Variants in TAF13 observed in about 807,000 individuals in gnomAD.
TAF13 encodes transcription initiation factor TFIID subunit 13.
A neutral mutation model predicts 18.7 loss-of-function variants in TAF13; 9 were observed. The ratio of observed to expected loss-of-function variants is 0.48; its 90% CI spans 0.29 to 0.84. The LOEUF is 0.84. TAF13 is among the 40% of genes least tolerant of loss of function. TAF13 has a pLI of 0.08. For missense variants in TAF13, 105 were observed against 146.5 expected (o/e 0.72, Z 1.46); for synonymous variants, 49 against 44.1 (o/e 1.11, Z -0.44).
At chr1:109,065,951 G>A (rs1407652018) in intron 3 of TAF13, among the ~76,000 whole-genome samples, 184 bp downstream of exon 3, 4 of 151,900 alleles carry the variant, frequency 2.6e-5, no homozygotes, top group Non-Finnish European at 5.9e-5. Flanking sequence ...AGGAAGAAGG[G>A]GGGATAGAAT....
In TAF13 at chr1:109,075,036, T is replaced by G; in HGVS notation, c.57A>C (p.Gly19=). ...TTTTACCCTGTCCACCTTCTGCACC[T>G]CCTCCAATTTCTTCATTTTCTTCCT... ...TFEEENEEIG[G]GAEGGQGKRK... Residue 19 remains glycine (G), a synonymous_variant, in exon 2 of 4, where the codon GGA becomes GGC. Coordinates refer to ENST00000338366, the MANE Select transcript of TAF13 (RefSeq NM_005645.4). 6.2e-7 allele frequency: 1 copy of G among 1,608,598 alleles called. No individual in the cohort carries two copies. Among genetic ancestry groups the G allele is most frequent in the Non-Finnish European group, 8.5e-7 (1 of 1,178,454 alleles).
At chr1:109,069,737 A>G (rs746173632) in intron 2 of TAF13, among the ~76,000 whole-genome samples, 3 of 152,164 alleles carry the variant, frequency 2.0e-5, no homozygotes, top group Non-Finnish European at 4.4e-5. Flanking sequence ...GTAGAAGTAC[A>G]AAGAGAAGAA....
At chr1:109,071,153 G>C (rs963090204) in intron 2 of TAF13, among the ~76,000 whole-genome samples, 1 of 151,472 alleles carries the variant, frequency 6.6e-6, no homozygotes, top group South Asian at 2.1e-4. Flanking sequence ...AAAATTAGTT[G>C]GGTGTGGCCA....
intron 3 of TAF13, among the ~76,000 whole-genome samples, chr1:109,065,496 G>GAC (rs112706578): frequency 1.3e-5 from 2 of 150,034 alleles, no homozygotes; most frequent in Non-Finnish European, 3.0e-5. Flanking sequence ...CACACACACA[G>GAC]ACACACACAC....
At chr1:109,066,349 T>G in intron 2 of TAF13, 117 bp from the exon 3 acceptor site, 1 of 751,758 alleles carries the variant, frequency 1.3e-6, no homozygotes, top group Non-Finnish European at 2.1e-6. Context: ...GAAAACATAT[T>G]TACATCGTAT....
rs865991416 is a variant in TAF13, at chr1:109,072,115, T to C, written c.106+2872A>G. Among the ~76,000 whole-genome samples the C allele has an allele frequency of 2.0e-3, 10 of 4,946 alleles. 1 individual carries two copies. Among genetic ancestry groups the C allele is most frequent in the African/African-American group, 6.5e-3 (10 of 1,542 alleles). The allele number at this position is 4,946 out of a possible 152,430, so 3.2% of individuals were successfully genotyped here. ...ATATATATATATATATATATATATA[T>C]ACACACATATATATATATATATATA... On this transcript the variant is annotated intron_variant, in intron 2 of 3. Coordinates refer to ENST00000338366, the MANE Select transcript of TAF13 (RefSeq NM_005645.4).
chr1:109,074,283 C>G (rs940694885), intron 2 of TAF13, among the ~76,000 whole-genome samples: 1 of 152,154 alleles, frequency 6.6e-6, no homozygotes, highest in Admixed American at 6.5e-5. Flanking sequence ...TACCCCCAAC[C>G]CCGTGCTCTC....
At chr1:109,069,555 A>T (rs1664015252) in intron 2 of TAF13, among the ~76,000 whole-genome samples, 3 of 152,126 alleles carry the variant, frequency 2.0e-5, no homozygotes, top group South Asian at 4.1e-4. Flanking sequence ...AACCCATGAC[A>T]TAGAGAGCCG....
intron 3 of TAF13, 27 bp downstream of exon 3, chr1:109,066,108 C>T: frequency 6.4e-7 from 1 of 1,569,694 alleles, no homozygotes; most frequent in Non-Finnish European, 8.7e-7. Flanking sequence ...CTTCAATTAA[C>T]TAAGACCAGT....
chr1:109,071,173 G>C (rs1430307851), intron 2 of TAF13, among the ~76,000 whole-genome samples: 1 of 152,090 alleles, frequency 6.6e-6, no homozygotes, highest in Non-Finnish European at 1.5e-5. Flanking sequence ...AGGCACGGTG[G>C]CTCACGCCTG....
rs1196801567 is a variant in TAF13 at position 109,064,383 on chromosome 1, G to A, written c.*140C>T. The A allele has an allele frequency of 7.1e-6, 5 of 707,414 alleles. No individual in the cohort carries two copies. In the Admixed American group the frequency reaches 1.1e-4, roughly 15 times the overall value. 43.8% of individuals were successfully genotyped at this position (707,414 alleles called of 1,614,324 possible). A position where few individuals can be genotyped will look rare whatever the true frequency, so the allele number is the denominator to read the frequency against. On this transcript the variant is annotated 3_prime_UTR_variant, in exon 4 of 4. Transcript: ENST00000338366. Reference sequence around the variant, plus strand: ...GCACCAATATCACCCTAAAATCAAAGGCATAAAAATAAAGGCTGAAAACTT... The same window carrying A: ...GCACCAATATCACCCTAAAATCAAAAGCATAAAAATAAAGGCTGAAAACTT...
In TAF13 at chr1:109,072,588, G is replaced by A. The variant is rs575534343; in HGVS notation, c.106+2399C>T. ...GCCTCCAGAGTAGCTGGAACTACAGGGGCATGCCACCATGCCCTGCTAATT... is the reference window on the plus strand; with the variant it reads ...GCCTCCAGAGTAGCTGGAACTACAGAGGCATGCCACCATGCCCTGCTAATT... On this transcript the variant is annotated intron_variant, in intron 2 of 3. Coordinates refer to ENST00000338366, the MANE Select transcript of TAF13 (RefSeq NM_005645.4). Among the ~76,000 whole-genome samples, 79 of 151,872 alleles carry A rather than the reference G, an allele frequency of 5.2e-4. 1 individual carries two copies. The highest frequency in any genetic ancestry group is 1.1e-3 in the Non-Finnish European group (73 of 67,960).
intron 2 of TAF13, among the ~76,000 whole-genome samples, chr1:109,067,800 TG>T (rs1453593173): frequency 6.6e-6 from 1 of 152,198 alleles, no homozygotes. Flanking sequence ...TAGAAACTAT[TG>T]ATTATCCCCA....
chr1:109,064,732 T>C, intron 3 of TAF13, 39 bp from the exon 4 acceptor site: 2 of 1,378,390 alleles, frequency 1.5e-6, no homozygotes, highest in Non-Finnish European at 1.9e-6. Flanking sequence ...CTTTTTTAAA[T>C]CTAATATTTT....
intron 2 of TAF13, among the ~76,000 whole-genome samples, chr1:109,073,511 C>T (rs920876147): frequency 4.6e-5 from 7 of 152,298 alleles, no homozygotes; most frequent in Admixed American, 3.9e-4. Context: ...TGACTACAGG[C>T]GTGCGCCGCC....
Position 109,064,489 on chromosome 1 carries a change from C to T in TAF13, c.*34G>A. ...ATATACAATTATTATATATGGTTTC[C>T]CCAGATGGTAATTTTCGGAAACTAC... On this transcript the variant is annotated 3_prime_UTR_variant, in exon 4 of 4. Coordinates refer to ENST00000338366, the MANE Select transcript of TAF13 (RefSeq NM_005645.4). 5.0e-6 allele frequency: 7 copies of T among 1,388,902 alleles called. No homozygotes were observed. The highest frequency in any genetic ancestry group is 6.6e-6 in the Non-Finnish European group (7 of 1,060,334). 86.0% of individuals were successfully genotyped at this position (1,388,902 alleles called of 1,614,324 possible). A position where few individuals can be genotyped will look rare whatever the true frequency, so the allele number is the denominator to read the frequency against.
intron 2 of TAF13, among the ~76,000 whole-genome samples, chr1:109,073,565 GC>G (rs968961015): frequency 3.9e-5 from 6 of 152,118 alleles, no homozygotes; most frequent in Admixed American, 3.9e-4. Context: ...ACGGGGTTTC[GC>G]CGTGTTGGCC....
Position 109,064,304 on chromosome 1 carries a change from A to G in TAF13, c.*219T>C. 2.8e-6 allele frequency: 1 copy of G among 355,656 alleles called. No individual in the cohort carries two copies. Among genetic ancestry groups the G allele is most frequent in the Non-Finnish European group, 5.0e-6 (1 of 201,990 alleles). 22.0% of individuals were successfully genotyped at this position (355,656 alleles called of 1,614,324 possible). On this transcript the variant is annotated 3_prime_UTR_variant, in exon 4 of 4. Transcript: ENST00000338366. ...AAGGTACTTTGACTTATGTGTGGTC[A>G]TTAAAACCCAGTAAGTAATTCAAGT...
intron 2 of TAF13, among the ~76,000 whole-genome samples, chr1:109,071,767 CATG>C (rs536569300): frequency 6.8e-4 from 103 of 151,660 alleles, no homozygotes; most frequent in South Asian, 2.3e-3. Flanking sequence ...TCCTGGCCAA[CATG>C]ATGAAACCCT....
Sources: gnomAD v4.1 joint callset for allele counts (sites outside exome capture counted in the v4.1 genomes callset) on GRCh38, gnomAD v4.1.1 for gene constraint, MANE v1.5 for transcripts, NCBI Gene and HGNC (gene_info 2026-07-23, HGNC 2026-07-21) for gene names.